Variants in GSN observed in about 807,000 individuals in gnomAD.
The protein encoded by GSN is gelsolin.
GSN carries 56 observed loss-of-function variants against 85.7 expected under a neutral mutation model. The ratio of observed to expected loss-of-function variants is 0.65; its 90% CI spans 0.53 to 0.82. The LOEUF (loss-of-function observed/expected upper bound fraction) is 0.82. Ranked by LOEUF, GSN falls within the 40% of genes least tolerant of loss-of-function variation. The pLI is 0.00. For synonymous variants in GSN, 373 were observed against 399.1 expected (o/e 0.93, Z 0.78); for missense variants, 857 against 979.8 (o/e 0.87, Z 1.67).
the GSN span, chr9:121,201,616 A>G: frequency 6.6e-6 from 1 of 152,306 alleles, no homozygotes; most frequent in African/African-American, 2.4e-5. Context: ...AGCCGGCCGG[A>G]CACTACGGAA....
chr9:121,325,049 C>T (rs2062985185), intron 12 of GSN, among the ~76,000 whole-genome samples: 1 of 152,208 alleles, frequency 6.6e-6, no homozygotes, highest in Non-Finnish European at 1.5e-5. Flanking sequence ...ATCCTGTCCT[C>T]ACCTCTGGGC....
At chr9:121,202,266 C>T in the GSN span, among the ~76,000 whole-genome samples, 6 of 152,236 alleles carry the variant, frequency 3.9e-5, no homozygotes, top group Non-Finnish European at 7.3e-5. Flanking sequence ...CGTATACTGG[C>T]CACCATGCTA....
chr9:121,219,259 ATTT>A (rs34899791), intron 4 of GSN, among the ~76,000 whole-genome samples: 2 of 132,684 alleles, frequency 1.5e-5, no homozygotes. Context: ...AAGTTAGGGG[ATTT>A]TTTTTTTTTT....
chr9:121,286,515 A>G, intron 2 of GSN: 1 of 1,238,884 alleles, frequency 8.1e-7, no homozygotes, highest in South Asian at 1.6e-5. Context: ...CAAAAGGGAA[A>G]CTCCATTTAT....
rs10985210 is a variant in GSN at position 121,332,157 on chromosome 9, T to C, written c.2027-277T>C. On this transcript the variant is annotated intron_variant, in intron 17 of 17. Transcript: ENST00000432226. The surrounding 1 kb of genome is among the most constrained non-coding windows in gnomAD (Gnocchi z 4.8). Reference sequence around the variant, plus strand: ...AACCCAAAAGTTGGTTCCCATATCTTCCAGTAGGGGACTGCAAGGGAAAGT... The same window carrying C: ...AACCCAAAAGTTGGTTCCCATATCTCCCAGTAGGGGACTGCAAGGGAAAGT... 0.07 allele frequency among the ~76,000 whole-genome samples: 10,621 copies of C among 152,256 alleles called. 741 individuals carry two copies. The highest frequency in any genetic ancestry group is 0.16 in the Admixed American group (2,522 of 15,302).
chr9:121,269,961 C>G (rs1188412269), intron 1 of GSN, among the ~76,000 whole-genome samples: 1 of 152,206 alleles, frequency 6.6e-6, no homozygotes, highest in Non-Finnish European at 1.5e-5. Flanking sequence ...ACAGAGCTCT[C>G]TGTCCTCAAG....
At chr9:121,291,416 CTTT>C (rs10615868) in intron 2 of GSN, among the ~76,000 whole-genome samples, 1,595 of 103,840 alleles carry the variant, frequency 0.015, 27 homozygotes, top group African/African-American at 0.054. Flanking sequence ...CCCCACTGGA[CTTT>C]TTTTTTTTTT....
Position 121,301,968 on chromosome 9 carries a change from C to G in GSN, c.-4C>G, listed in dbSNP as rs2059919681. ...TCTGCCCTGTCTCATCCCAGCCCAA[C>G]AGCATGGTGGTGGAACACCCCGAGT... On this transcript the variant is annotated 5_prime_UTR_variant, in exon 3 of 18. Coordinates refer to ENST00000432226, the MANE Select transcript of GSN (RefSeq NM_198252.3). 1 of 1,614,218 alleles carries G rather than the reference C, an allele frequency of 6.2e-7. No homozygotes were observed. The highest frequency in any genetic ancestry group is 8.5e-7 in the Non-Finnish European group (1 of 1,180,010).
intron 6 of GSN, among the ~76,000 whole-genome samples, chr9:121,250,043 C>G (rs549170106): frequency 1.3e-5 from 2 of 152,078 alleles, no homozygotes; most frequent in Non-Finnish European, 1.5e-5. Flanking sequence ...ATCCTGAAGC[C>G]GGGATGTAAG....
upstream of GSN, chr9:121,203,415 A>C (rs1047115250): frequency 6.6e-6 from 1 of 152,432 alleles, no homozygotes; most frequent in Non-Finnish European, 1.5e-5. Context: ...AGCCTGGGCA[A>C]CATGGGGAGA....
At chr9:121,247,086 T>G (rs918620828) in intron 5 of GSN, among the ~76,000 whole-genome samples, 1 of 152,134 alleles carries the variant, frequency 6.6e-6, no homozygotes, top group Non-Finnish European at 1.5e-5. Context: ...TTGCTGAGAA[T>G]GATGCCTTGG....
At chr9:121,301,378 A>G (rs2059822532) in intron 2 of GSN, among the ~76,000 whole-genome samples, 1 of 152,236 alleles carries the variant, frequency 6.6e-6, no homozygotes, top group East Asian at 1.9e-4. Context: ...TGTAATCCCA[A>G]CACTTTGGGA....
chr9:121,283,928 G>T (rs902430016), intron 2 of GSN: 2 of 167,388 alleles, frequency 1.2e-5, no homozygotes, highest in Non-Finnish European at 2.9e-5. Context: ...CCCCTAAAAA[G>T]TGAGACCTGA....
intron 4 of GSN, among the ~76,000 whole-genome samples, chr9:121,230,765 C>A (rs1273682356): frequency 6.6e-6 from 1 of 152,080 alleles, no homozygotes; most frequent in Non-Finnish European, 1.5e-5. Flanking sequence ...CTACCTTTAC[C>A]ATCAGTGCCG....
chr9:121,230,934 G>A (rs62578451), intron 4 of GSN, among the ~76,000 whole-genome samples: 4,659 of 152,250 alleles, frequency 0.031, 119 homozygotes, highest in Middle Eastern at 0.048. Flanking sequence ...TTATTCACAC[G>A]TAAATCAGGG....
At chr9:121,253,827 C>G (rs2054891014) in intron 6 of GSN, among the ~76,000 whole-genome samples, 1 of 152,204 alleles carries the variant, frequency 6.6e-6, no homozygotes, top group Admixed American at 6.5e-5. Flanking sequence ...CCCTTCTTTG[C>G]TGGTTCCATT....
At chr9:121,294,504 G>T (rs1378701740) in intron 2 of GSN, among the ~76,000 whole-genome samples, 2 of 152,180 alleles carry the variant, frequency 1.3e-5, no homozygotes, top group Non-Finnish European at 2.9e-5. Context: ...GGCCCCTCCA[G>T]ATGTCCAGCC....
Position 121,310,861 on chromosome 9 carries a change from C to G in GSN, c.513+16C>G. On this transcript the variant is annotated intron_variant, in intron 5 of 17. Transcript: ENST00000432226. Reference sequence around the variant, plus strand: ...CCTGGGCAACGTGAGTCCTGCTTTCCTCTTTCCCAGGAGCCACTGAGGTGC... The same window carrying G: ...CCTGGGCAACGTGAGTCCTGCTTTCGTCTTTCCCAGGAGCCACTGAGGTGC... 6.2e-7 allele frequency: 1 copy of G among 1,613,310 alleles called. No homozygotes were observed. Among genetic ancestry groups the G allele is most frequent in the South Asian group, 1.1e-5 (1 of 90,996 alleles).
chr9:121,243,678 A>G (rs1313472344), intron 5 of GSN, among the ~76,000 whole-genome samples: 1 of 152,176 alleles, frequency 6.6e-6, no homozygotes, highest in African/African-American at 2.4e-5. Flanking sequence ...CCTGGGTTCA[A>G]GAGATTCTCC....
Sources: allele counts gnomAD v4.1 joint callset (sites outside exome capture counted in the v4.1 genomes callset), GRCh38; gene constraint gnomAD v4.1.1; non-coding constraint Gnocchi (gnomAD v3.1); transcripts MANE v1.5; gene names NCBI Gene and HGNC (gene_info 2026-07-23, HGNC 2026-07-21).